The following ARHGEF1 variants were observed in gnomAD, a reference collection of about 807,000 sequenced individuals.
ARHGEF1 encodes 115 kDa guanine nucleotide exchange factor.
In ARHGEF1, 40 loss-of-function variants were observed where a neutral mutation model predicts 119.7. The observed-to-expected ratio is 0.33, with a 90% confidence interval of 0.26 to 0.44. ARHGEF1 has a LOEUF of 0.44. Among genes scored for constraint, ARHGEF1 ranks in the 20% least tolerant of loss-of-function variants. The probability of loss-of-function intolerance (pLI) is 1.00; values close to 1 mark genes in which losing one functional copy is unlikely to be tolerated. For synonymous variants in ARHGEF1, 494 were observed against 521.0 expected, an observed-to-expected ratio of 0.95 and a Z score of 0.71; for missense variants, 976 against 1,268.3, an observed-to-expected ratio of 0.77 and a Z score of 3.50.
rs782681081 is a variant in ARHGEF1, at chr19:41,906,819, G to C, written c.*17+16G>C. Reference sequence around the variant, plus strand: ...GCCCAGGAAGGTGAGTGGGGCACCTGGGGGCCAGGGCGCTGTCCTGAAAGG... The same window carrying C: ...GCCCAGGAAGGTGAGTGGGGCACCTCGGGGCCAGGGCGCTGTCCTGAAAGG... On this transcript the variant is annotated intron_variant, in intron 28 of 28. Coordinates refer to ENST00000354532, the MANE Select transcript of ARHGEF1 (RefSeq NM_004706.4). This position sits in a 1 kb window ranked among gnomAD's most constrained non-coding sequence, Gnocchi z 4.5. The C allele has an allele frequency of 6.3e-7, 1 of 1,585,492 alleles. No individual in the cohort carries two copies. The highest frequency in any genetic ancestry group is 8.6e-7 in the Non-Finnish European group (1 of 1,162,584).
At chr19:41,929,068 C>A in intron 2 of ARHGEF1, 1 of 344,880 alleles carries the variant, frequency 2.9e-6, no homozygotes, top group South Asian at 2.1e-5. Context: ...GACCTGCCAT[C>A]TATACACGCA....
intron 14 of ARHGEF1, chr19:41,901,051 A>C (rs554908998): frequency 1.1e-4 from 17 of 151,242 alleles, no homozygotes; most frequent in African/African-American, 3.4e-4. Flanking sequence ...AGCCTCCCAA[A>C]TTGCTGGGAT....
At position 41,895,624 on chromosome 19, in the gene ARHGEF1, C is replaced by T. The variant is rs562723687; in HGVS notation, c.1015+138C>T. The T allele has an allele frequency of 4.1e-5, 38 of 927,294 alleles. No homozygotes were observed. The African/African-American group carries it at 6.0e-4, about 15-fold the overall frequency. The allele number at this position is 927,294 out of a possible 1,614,324, so 57.4% of individuals were successfully genotyped here. A position where few individuals can be genotyped will look rare whatever the true frequency, so the allele number is the denominator to read the frequency against. ...TGCTCTCAGCATCCACTTCTCCCTG[C>T]TCCTGGTCACCACTGTCATTCATAA... On this transcript the variant is annotated intron_variant, in intron 12 of 28. Transcript: ENST00000354532.
At chr19:41,909,833 G>A, downstream of ARHGEF1, 1 of 1,568,482 alleles carries the variant, frequency 6.4e-7, no homozygotes, top group Non-Finnish European at 8.7e-7. This position sits in a 1 kb window ranked among gnomAD's most constrained non-coding sequence, Gnocchi z 5.2. Context: ...AAAAGGACAA[G>A]GTGGGATCCA....
chr19:41,905,097 G>C lies in ARHGEF1; in HGVS notation c.2249+61G>C. On this transcript the variant is annotated intron_variant, in intron 23 of 28. Transcript: ENST00000354532. This position sits in a 1 kb window ranked among gnomAD's most constrained non-coding sequence, Gnocchi z 6.4. ...GACGCCCAGGTTTCTGGGTTCCCAG[G>C]GACAGGAGGGCTGTGGGGAGGCCCT... 1 of 1,611,308 alleles carries C rather than the reference G, an allele frequency of 6.2e-7. No individual in the cohort carries two copies. Among genetic ancestry groups the C allele is most frequent in the African/African-American group, 1.3e-5 (1 of 74,978 alleles).
At chr19:41,908,426 G>A (rs2074731319), downstream of ARHGEF1, 1 of 1,231,208 alleles carries the variant, frequency 8.1e-7, no homozygotes, top group Admixed American at 4.2e-5. This position sits in a 1 kb window ranked among gnomAD's most constrained non-coding sequence, Gnocchi z 6.7. Context: ...GGCCCGAGGG[G>A]CGCTCGGGGC....
chr19:41,920,396 G>A (rs2074834766), upstream of ARHGEF1, among the ~76,000 whole-genome samples: 1 of 124,024 alleles, frequency 8.1e-6, no homozygotes, highest in South Asian at 2.9e-4. Flanking sequence ...GACATGCCCA[G>A]ATGTGACACA....
At chr19:41,891,699 C>T (rs545151656) in intron 4 of ARHGEF1, among the ~76,000 whole-genome samples, 45 of 150,700 alleles carry the variant, frequency 3.0e-4, no homozygotes, top group African/African-American at 1.0e-3. Flanking sequence ...GGTGTAGAGC[C>T]GTGTCTGGTA....
At position 41,906,849 on chromosome 19, in the gene ARHGEF1, T is replaced by C; in HGVS notation, c.*17+46T>C. The C allele has an allele frequency of 2.1e-6, 3 of 1,462,516 alleles. No homozygotes were observed. The highest frequency in any genetic ancestry group is 2.4e-5 in the East Asian group (1 of 42,506). The allele number at this position is 1,462,516 out of a possible 1,614,324, so 90.6% of individuals were successfully genotyped here. A position where few individuals can be genotyped will look rare whatever the true frequency, so the allele number is the denominator to read the frequency against. ...CCAGGGCGCTGTCCTGAAAGGAGGG[T>C]CCCCCTCCAGAGCTCGCATCCCTAC... On this transcript the variant is annotated intron_variant, in intron 28 of 28. Coordinates refer to ENST00000354532, the MANE Select transcript of ARHGEF1 (RefSeq NM_004706.4). The surrounding 1 kb of genome is among the most constrained non-coding windows in gnomAD (Gnocchi z 4.5).
At chr19:41,884,741 G>T (rs1014315318) in intron 1 of ARHGEF1, among the ~76,000 whole-genome samples, 6 of 152,160 alleles carry the variant, frequency 3.9e-5, no homozygotes, top group Admixed American at 2.6e-4. Flanking sequence ...TCATAGACCA[G>T]TGGCATCCCC....
Position 41,903,817 on chromosome 19 carries a change from C to T in ARHGEF1, c.1917+33C>T, listed in dbSNP as rs143798659. 2.5e-6 allele frequency: 4 copies of T among 1,607,550 alleles called. No homozygotes were observed. Among genetic ancestry groups the T allele is most frequent in the East Asian group, 2.2e-5 (1 of 44,830 alleles). On this transcript the variant is annotated intron_variant, in intron 20 of 28. Coordinates refer to ENST00000354532, the MANE Select transcript of ARHGEF1 (RefSeq NM_004706.4). The surrounding 1 kb of genome is among the most constrained non-coding windows in gnomAD (Gnocchi z 4.2). ...CATACCCTCCTGCCTCCCCCGCCCC[C>T]CTACTCCTTGGCCCAGGGGATTCTG...
chr19:41,898,660 A>G (rs1179988546), intron 14 of ARHGEF1, 73 bp downstream of exon 14: 70 of 1,477,752 alleles, frequency 4.7e-5, no homozygotes, highest in Non-Finnish European at 5.6e-5. Context: ...AGACAGGCGC[A>G]GAGAGATGTT....
At position 41,905,458 on chromosome 19, in the gene ARHGEF1, G is replaced by A. The variant is rs1411829358; in HGVS notation, c.2336+197G>A. 1.8e-5 allele frequency: 11 copies of A among 616,328 alleles called. No homozygotes were observed. The highest frequency in any genetic ancestry group is 5.6e-5 in the African/African-American group (3 of 53,912). 38.2% of individuals were successfully genotyped at this position (616,328 alleles called of 1,614,324 possible). ...AGTGTGTGTATGCATGCATGTGTGC[G>A]TGTGCATGTGTGTGCGTGTATGGTG... On this transcript the variant is annotated intron_variant, in intron 24 of 28. Coordinates refer to ENST00000354532, the MANE Select transcript of ARHGEF1 (RefSeq NM_004706.4). This position sits in a 1 kb window ranked among gnomAD's most constrained non-coding sequence, Gnocchi z 6.4.
chr19:41,905,525 A>AT lies in ARHGEF1; in HGVS notation c.2337-234dup, dbSNP rs2074678748. ...TGTGCATGCGTGTGACAGCATGTGC[A>AT]TGCATGTGTGTGTGTGTGCGCATGT... On this transcript the variant is annotated intron_variant, in intron 24 of 28. Transcript: ENST00000354532. The surrounding 1 kb of genome is among the most constrained non-coding windows in gnomAD (Gnocchi z 6.4). 1.6e-6 allele frequency: 1 copy of AT among 614,908 alleles called. No homozygotes were observed. Among genetic ancestry groups the AT allele is most frequent in the South Asian group, 2.0e-5 (1 of 51,000 alleles). 38.1% of individuals were successfully genotyped at this position (614,908 alleles called of 1,614,324 possible).
At chr19:41,894,420 T>A in intron 9 of ARHGEF1, 31 bp from the exon 10 acceptor site, 1 of 1,536,790 alleles carries the variant, frequency 6.5e-7, no homozygotes. Flanking sequence ...CAGAGATGCT[T>A]AGCCTGGTCT....
At chr19:41,894,135 A>AGTGTGTGAGTGT in intron 8 of ARHGEF1, 72 bp from the exon 9 acceptor site, 1 of 484,532 alleles carries the variant, frequency 2.1e-6, no homozygotes, top group East Asian at 3.6e-5. Flanking sequence ...TGTGTGTGTG[A>AGTGTGTGAGTGT]GTGTGTGTGT....
rs781960065 is a variant in ARHGEF1, at chr19:41,905,271, G to C, written c.2336+10G>C. 3 of 1,608,570 alleles carry C rather than the reference G, an allele frequency of 1.9e-6. No individual in the cohort carries two copies. Among genetic ancestry groups the C allele is most frequent in the South Asian group, 2.2e-5 (2 of 90,444 alleles). On this transcript the variant is annotated intron_variant, in intron 24 of 28. Transcript: ENST00000354532. The surrounding 1 kb of genome is among the most constrained non-coding windows in gnomAD (Gnocchi z 6.4). ...GGCCCAGCCCGAGCAGGTGAGGGGGGCCATGGAGAGAGCTGGAGGTTCAGG... is the reference window on the plus strand; with the variant it reads ...GGCCCAGCCCGAGCAGGTGAGGGGGCCCATGGAGAGAGCTGGAGGTTCAGG...
chr19:41,912,426 C>T (rs185135231), downstream of ARHGEF1, among the ~76,000 whole-genome samples: 206 of 152,318 alleles, frequency 1.4e-3, no homozygotes, highest in Middle Eastern at 0.01. Flanking sequence ...CTGGCCGGGT[C>T]GTGCCTGCAC....
intron 1 of ARHGEF1, among the ~76,000 whole-genome samples, chr19:41,884,893 C>T (rs2074270535): frequency 6.6e-6 from 1 of 152,160 alleles, no homozygotes; most frequent in African/African-American, 2.4e-5. Flanking sequence ...ATCCCTGGAT[C>T]CTTTAGACCC....
Sources: gnomAD v4.1 joint callset for allele counts (sites outside exome capture counted in the v4.1 genomes callset) on GRCh38, gnomAD v4.1.1 for gene constraint, Gnocchi (gnomAD v3.1) non-coding constraint, MANE v1.5 for transcripts, NCBI Gene and HGNC (gene_info 2026-07-23, HGNC 2026-07-21) for gene names.